FAM193A: variants seen among roughly 807,000 people sequenced by gnomAD.
FAM193A encodes the protein family with sequence similarity 193 member A, also known as protein FAM193A.
Under a neutral mutation model 126.5 loss-of-function variants are expected in FAM193A, and 22 were observed. That is an observed-to-expected ratio of 0.17 (90% confidence interval 0.12 to 0.25). The LOEUF is 0.25. Among genes scored for constraint, FAM193A ranks in the 10% least tolerant of loss-of-function variants. The pLI is 1.00. For synonymous variants in FAM193A, 761 were observed against 646.8 expected, an observed-to-expected ratio of 1.18 and a Z score of -2.68; for missense variants, 1,675 against 1,672.8, an observed-to-expected ratio of 1.00 and a Z score of -0.02.
At chr4:2,618,852 T>G (rs1027491492) in intron 2 of FAM193A, among the ~76,000 whole-genome samples, 1 of 152,050 alleles carries the variant, frequency 6.6e-6, no homozygotes, top group African/African-American at 2.4e-5. Context: ...ACCCTCGGCC[T>G]CCCAAAGTGT....
At position 2,599,427 on chromosome 4, in the gene FAM193A, A is replaced by G. The variant is rs549913234; in HGVS notation, c.501+3098A>G. 1.1e-3 allele frequency among the ~76,000 whole-genome samples: 168 copies of G among 152,278 alleles called. 1 individual carries two copies. Among genetic ancestry groups the G allele is most frequent in the Middle Eastern group, 0.01 (3 of 294 alleles). ...TCTGTCTCTGGTCAGGGCTCTGGTC[A>G]GGGCTCAGAGTGCACGGCTCTCCTG... On this transcript the variant is annotated intron_variant, in intron 2 of 20. Transcript: ENST00000637812.
At chr4:2,646,966 T>A in intron 7 of FAM193A, 134 bp downstream of exon 7, 2 of 983,126 alleles carry the variant, frequency 2.0e-6, no homozygotes, top group Non-Finnish European at 2.9e-6. Context: ...CGCATGTGGG[T>A]AGCCCCTGTG....
At chr4:2,605,057 C>T (rs1006935517) in intron 2 of FAM193A, among the ~76,000 whole-genome samples, 1 of 151,738 alleles carries the variant, frequency 6.6e-6, no homozygotes, top group African/African-American at 2.4e-5. Flanking sequence ...AATCCTACCA[C>T]CTTGGCCTCT....
At chr4:2,725,564 T>C (rs1385284346) in intron 20 of FAM193A, among the ~76,000 whole-genome samples, 1 of 151,222 alleles carries the variant, frequency 6.6e-6, no homozygotes, top group Admixed American at 6.6e-5. Context: ...ACCTGCTGTA[T>C]TGTATAGACT....
chr4:2,684,882 A>T (rs1049660825), intron 13 of FAM193A, among the ~76,000 whole-genome samples: 3 of 152,192 alleles, frequency 2.0e-5, no homozygotes, highest in Non-Finnish European at 4.4e-5. Flanking sequence ...CAAGGCCCAG[A>T]CCAGGGGGGA....
At position 2,625,405 on chromosome 4, in the gene FAM193A, G is replaced by C. The variant is rs369163500; in HGVS notation, c.635+10G>C. 21 of 698,278 alleles carry C rather than the reference G, an allele frequency of 3.0e-5. No individual in the cohort carries two copies. Among genetic ancestry groups the C allele is most frequent in the Non-Finnish European group, 5.0e-5 (19 of 381,874 alleles). 43.3% of individuals were successfully genotyped at this position (698,278 alleles called of 1,614,324 possible). On this transcript the variant is annotated intron_variant, in intron 3 of 20. Transcript: ENST00000637812. ...CCTGCAGTGAGCGCAGGTATGTGAC[G>C]TGTGTGCCACGTTGCTCACACCTGT...
chr4:2,552,137 G>T (rs535265324), intron 1 of FAM193A, among the ~76,000 whole-genome samples: 1 of 151,434 alleles, frequency 6.6e-6, no homozygotes, highest in Non-Finnish European at 1.5e-5. Flanking sequence ...TCAGCCTCCG[G>T]AGTAGCTGGG....
intron 1 of FAM193A, among the ~76,000 whole-genome samples, chr4:2,591,929 T>C (rs2108899789): frequency 6.6e-6 from 1 of 152,316 alleles, no homozygotes; most frequent in Middle Eastern, 3.4e-3. Flanking sequence ...TCAGCAATAC[T>C]GCCATCTTAG....
intron 12 of FAM193A, among the ~76,000 whole-genome samples, chr4:2,669,653 T>C (rs1325815692): frequency 6.6e-6 from 1 of 152,196 alleles, no homozygotes; most frequent in African/African-American, 2.4e-5. Flanking sequence ...TTTTTAGGAA[T>C]AGCTTTAGAC....
In FAM193A at chr4:2,657,844, G is replaced by C; in HGVS notation, c.1353G>C (p.Trp451Cys). Reference sequence around the variant, plus strand: ...AGCAGCGCATGTTAACAGAAGACTGGGAGCTTTTTAAACAAAGAAGATTCA... The same window carrying C: ...AGCAGCGCATGTTAACAGAAGACTGCGAGCTTTTTAAACAAAGAAGATTCA... Reference protein sequence around the residue: ...KTKQRMLTEDWELFKQRRFIE... With the variant: ...KTKQRMLTEDCELFKQRRFIE... Residue 451 changes from tryptophan (W) to cysteine (C), a missense_variant, in exon 8 of 21, where the codon TGG becomes TGC. This residue lies in a region of FAM193A where 1,186 missense variants were observed against 1,109.2 expected (regional missense o/e 1.07). Transcript: ENST00000637812. The C allele has an allele frequency of 6.2e-7, 1 of 1,612,736 alleles. No homozygotes were observed. The highest frequency in any genetic ancestry group is 8.5e-7 in the Non-Finnish European group (1 of 1,179,480).
At chr4:2,669,477 C>T (rs1434337728) in intron 12 of FAM193A, among the ~76,000 whole-genome samples, 2 of 152,100 alleles carry the variant, frequency 1.3e-5, no homozygotes, top group African/African-American at 4.8e-5. Context: ...GGCGTGCTAT[C>T]ATGTGCTTGT....
chr4:2,657,663 T>C (rs1469935101), intron 7 of FAM193A, 140 bp from the exon 8 acceptor site: 1 of 594,464 alleles, frequency 1.7e-6, no homozygotes, highest in African/African-American at 1.9e-5. Context: ...ATTTGTAGTA[T>C]TGTATCTTTA....
At chr4:2,541,558 G>A (rs927444031) in intron 1 of FAM193A, among the ~76,000 whole-genome samples, 4 of 149,222 alleles carry the variant, frequency 2.7e-5, no homozygotes, top group African/African-American at 9.9e-5. Context: ...CGATTCTCCT[G>A]CCTCAGCCTC....
chr4:2,541,039 G>A (rs2108801771), intron 1 of FAM193A, among the ~76,000 whole-genome samples: 1 of 151,982 alleles, frequency 6.6e-6, no homozygotes, highest in Non-Finnish European at 1.5e-5. Context: ...GGGAAGCCGA[G>A]GCAGGAGGAT....
chr4:2,659,228 C>A (rs1207148615), intron 8 of FAM193A, among the ~76,000 whole-genome samples: 2 of 152,214 alleles, frequency 1.3e-5, no homozygotes, highest in Non-Finnish European at 2.9e-5. Flanking sequence ...TTCATTCCTA[C>A]AGCTCTGTTC....
intron 2 of FAM193A, chr4:2,608,154 A>C: frequency 6.3e-7 from 1 of 1,587,520 alleles, no homozygotes; most frequent in Non-Finnish European, 8.6e-7. Context: ...AAAATAAAAA[A>C]ATAAAAATTT....
intron 1 of FAM193A, among the ~76,000 whole-genome samples, chr4:2,574,619 A>G (rs1047893649): frequency 1.3e-5 from 2 of 152,136 alleles, no homozygotes; most frequent in Admixed American, 1.3e-4. Context: ...GAGGATCTCT[A>G]ATGCTCAGAA....
intron 19 of FAM193A, among the ~76,000 whole-genome samples, chr4:2,704,887 T>G (rs114433415): frequency 6.6e-6 from 1 of 152,338 alleles, no homozygotes; most frequent in South Asian, 2.1e-4. Flanking sequence ...ACTAGGTTTT[T>G]GGTCTTTTCC....
intron 2 of FAM193A, among the ~76,000 whole-genome samples, chr4:2,608,944 G>A (rs1360644235): frequency 1.3e-5 from 2 of 148,926 alleles, no homozygotes; most frequent in Non-Finnish European, 1.5e-5. Flanking sequence ...AGGCTGGAGT[G>A]CAGTGGTGCC....
Sources: gnomAD v4.1 joint callset for allele counts (sites outside exome capture counted in the v4.1 genomes callset) on GRCh38, gnomAD v4.1.1 for gene constraint, gnomAD v4.1.1 regional missense constraint, MANE v1.5 for transcripts, NCBI Gene and HGNC (gene_info 2026-07-23, HGNC 2026-07-21) for gene names.